Variants in EIPR1 observed in about 807,000 individuals in gnomAD.
EIPR1 encodes the protein EARP and GARP complex-interacting protein 1.
In EIPR1, 25 loss-of-function variants were observed where a neutral mutation model predicts 48.1. The observed-to-expected ratio is 0.52, with a 90% CI of 0.38 to 0.73. The LOEUF (loss-of-function observed/expected upper bound fraction) is 0.73, where lower values mean the gene tolerates loss of function less well. Ranked by LOEUF, EIPR1 falls within the 30% of genes least tolerant of loss-of-function variation. EIPR1 has a pLI of 0.00. For synonymous variants in EIPR1, 204 were observed against 201.9 expected (o/e 1.01, Z -0.09); for missense variants, 415 against 506.2 (o/e 0.82, Z 1.73).
At chr2:3,218,015 C>T (rs1468138577) in intron 4 of EIPR1, among the ~76,000 whole-genome samples, 3 of 152,130 alleles carry the variant, frequency 2.0e-5, no homozygotes, top group African/African-American at 4.8e-5. Flanking sequence ...GAGCCAGGTG[C>T]ACACCCAACA....
intron 4 of EIPR1, among the ~76,000 whole-genome samples, chr2:3,216,517 T>C (rs113002043): frequency 4.8e-4 from 1 of 2,102 alleles, no homozygotes; most frequent in African/African-American, 6.2e-4. Context: ...CATCACAGGA[T>C]GAGAACTAGC....
chr2:3,238,691 C>G (rs6548140), intron 4 of EIPR1, among the ~76,000 whole-genome samples: 139,269 of 152,280 alleles, frequency 0.91, 64,176 homozygotes, highest in East Asian at 0.98. Context: ...GCCTTTGAAC[C>G]TTCGCCGTTC....
At chr2:3,288,359 A>G (rs1341048259) in intron 3 of EIPR1, among the ~76,000 whole-genome samples, 3 of 152,194 alleles carry the variant, frequency 2.0e-5, no homozygotes, top group African/African-American at 7.2e-5. Context: ...AAACTATCCA[A>G]GTTCTTCGAA....
At chr2:3,366,981 G>A (rs1056722184) in intron 1 of EIPR1, among the ~76,000 whole-genome samples, 28 of 152,150 alleles carry the variant, frequency 1.8e-4, no homozygotes, top group African/African-American at 6.5e-4. Flanking sequence ...GGAGGTGGAG[G>A]TTGCAGTGAG....
rs142321008 is a variant in EIPR1, at chr2:3,322,176, G to A, written c.259+15841C>T. 4.6e-5 allele frequency among the ~76,000 whole-genome samples: 7 copies of A among 152,290 alleles called. No homozygotes were observed. The East Asian group carries it at 1.4e-3, about 29-fold the overall frequency. On this transcript the variant is annotated intron_variant, in intron 3 of 8. Transcript: ENST00000382125. ...CCTGGCAGGGCCTCCGTGGTGCCTT[G>A]GCTTTAGGGCTGACGGTCACGGTGA...
intron 4 of EIPR1, among the ~76,000 whole-genome samples, chr2:3,253,623 CTCTG>C (rs1195405171): frequency 6.6e-6 from 1 of 152,218 alleles, no homozygotes; most frequent in Non-Finnish European, 1.5e-5. Flanking sequence ...CCCAGCTAGT[CTCTG>C]TCTGCTTCCA....
intron 3 of EIPR1, among the ~76,000 whole-genome samples, chr2:3,330,704 C>A (rs1166745561): frequency 7.3e-6 from 1 of 137,830 alleles, no homozygotes; most frequent in Non-Finnish European, 1.5e-5. Flanking sequence ...GAGGCAGGTA[C>A]ATGCACACTC....
chr2:3,346,611 T>C (rs918521123), intron 2 of EIPR1, among the ~76,000 whole-genome samples: 7 of 151,916 alleles, frequency 4.6e-5, no homozygotes, highest in Non-Finnish European at 2.9e-5. Flanking sequence ...AAATACACAA[T>C]AGAAGTAACA....
rs1231732556 is a variant in EIPR1 at position 3,375,177 on chromosome 2, C to T, written c.42+2471G>A. On this transcript the variant is annotated intron_variant, in intron 1 of 8. Transcript: ENST00000382125. ...TTCTCACTCACAGATGGGAATTGAA[C>T]AATGAGAACACATGGACACAGGAAG... 2.2e-5 allele frequency among the ~76,000 whole-genome samples: 3 copies of T among 139,356 alleles called. No homozygotes were observed. In the Admixed American group the frequency reaches 2.4e-4, roughly 11 times the overall value. The allele number at this position is 139,356 out of a possible 152,430, so 91.4% of individuals were successfully genotyped here.
intron 3 of EIPR1, among the ~76,000 whole-genome samples, chr2:3,336,977 G>C (rs116657158): frequency 0.12 from 12,053 of 99,674 alleles, 2,139 homozygotes; most frequent in Non-Finnish European, 0.15. Flanking sequence ...GAAGGGAAAA[G>C]GGAAGGGAAA....
chr2:3,243,579 C>T (rs930063217), intron 4 of EIPR1, among the ~76,000 whole-genome samples: 2 of 151,954 alleles, frequency 1.3e-5, no homozygotes, highest in South Asian at 2.1e-4. Flanking sequence ...TGCAGTGAGC[C>T]GAGATCGCGC....
chr2:3,352,419 T>G (rs1403150104), intron 2 of EIPR1, among the ~76,000 whole-genome samples: 23 of 126,782 alleles, frequency 1.8e-4, no homozygotes, highest in South Asian at 5.4e-4. Context: ...CTACAGAAGC[T>G]ACCTGCCCCT....
chr2:3,214,094 G>T, intron 5 of EIPR1, 55 bp downstream of exon 5: 2 of 1,508,600 alleles, frequency 1.3e-6, no homozygotes, highest in South Asian at 1.2e-5. Flanking sequence ...GTGAGAACAT[G>T]CGGGGTTTGG....
At chr2:3,350,648 G>A (rs925730377) in intron 2 of EIPR1, among the ~76,000 whole-genome samples, 11 of 152,178 alleles carry the variant, frequency 7.2e-5, no homozygotes, top group African/African-American at 2.4e-4. Flanking sequence ...GTAAGCATTT[G>A]TTGAGTGGAT....
rs201213681 is a variant in EIPR1, at chr2:3,189,329, G to C, written c.*5C>G. On this transcript the variant is annotated 3_prime_UTR_variant, in exon 9 of 9. Coordinates refer to ENST00000382125, the MANE Select transcript of EIPR1 (RefSeq NM_003310.5). This position sits in a 1 kb window ranked among gnomAD's most constrained non-coding sequence, Gnocchi z 4.6. Reference sequence around the variant, plus strand: ...AATGGGACCTGGATAACCCAGGCCCGGGAGTCATAGCAGGATGTGGTACTT... The same window carrying C: ...AATGGGACCTGGATAACCCAGGCCCCGGAGTCATAGCAGGATGTGGTACTT... The C allele has an allele frequency of 6.4e-7, 1 of 1,572,474 alleles. No individual in the cohort carries two copies. Among genetic ancestry groups the C allele is most frequent in the Admixed American group, 1.7e-5 (1 of 58,180 alleles).
intron 3 of EIPR1, among the ~76,000 whole-genome samples, chr2:3,293,830 T>C (rs1048380805): frequency 2.0e-5 from 3 of 152,232 alleles, no homozygotes; most frequent in African/African-American, 7.2e-5. Flanking sequence ...TGAATTTGTC[T>C]GTCGCCGAAC....
intron 3 of EIPR1, among the ~76,000 whole-genome samples, chr2:3,263,241 G>A (rs750653923): frequency 5.3e-5 from 8 of 152,182 alleles, no homozygotes; most frequent in Non-Finnish European, 1.0e-4. Flanking sequence ...CCTGTGGCGT[G>A]CAAAAAGTGG....
rs374110079 is a variant in EIPR1 at position 3,193,972 on chromosome 2, CCCTG to C, written c.821+23_821+26del. ...AAAATCAATTGCGTAATCCCCTCCT[CCCTG>C]AAGCAGCCAGGAGCGGCCCTACCAG... On this transcript the variant is annotated intron_variant, in intron 7 of 8. Transcript: ENST00000382125. 172 of 1,611,838 alleles carry C rather than the reference CCCTG, an allele frequency of 1.1e-4. 1 individual carries two copies. In the African/African-American group the frequency reaches 2.0e-3, roughly 19 times the overall value.
intron 3 of EIPR1, among the ~76,000 whole-genome samples, chr2:3,318,093 C>A (rs750004902): frequency 3.9e-5 from 6 of 152,262 alleles, no homozygotes; most frequent in African/African-American, 1.4e-4. Context: ...TGGCTCCTAA[C>A]GGCTCCTCTC....
Sources: allele counts gnomAD v4.1 joint callset (sites outside exome capture counted in the v4.1 genomes callset), GRCh38; gene constraint gnomAD v4.1.1; non-coding constraint Gnocchi (gnomAD v3.1); transcripts MANE v1.5; gene names NCBI Gene and HGNC (gene_info 2026-07-23, HGNC 2026-07-21).